RBM26: variants seen among roughly 807,000 people sequenced by gnomAD.
RBM26 encodes RNA binding motif protein 26.
A neutral mutation model predicts 123.6 loss-of-function variants in RBM26; 30 were observed. The ratio of observed to expected loss-of-function variants is 0.24; its 90% CI spans 0.18 to 0.33. RBM26 has a LOEUF of 0.33. Among genes scored for constraint, RBM26 ranks in the 10% least tolerant of loss-of-function variants. The pLI is 1.00. For synonymous variants in RBM26, 400 were observed against 404.4 expected, an observed-to-expected ratio of 0.99 and a Z score of 0.13; for missense variants, 947 against 1,203.6, an observed-to-expected ratio of 0.79 and a Z score of 3.15.
intron 2 of RBM26, among the ~76,000 whole-genome samples, chr13:79,377,927 CAAAA>C (rs5805027): frequency 1.4e-5 from 2 of 148,112 alleles, no homozygotes; most frequent in East Asian, 3.9e-4. Flanking sequence ...GACTCCGTCT[CAAAA>C]AAAAAAAAGT....
At position 79,365,806 on chromosome 13, in the gene RBM26, ATAACATAT is replaced by A. The variant is rs1340685338; in HGVS notation, c.1277-96_1277-89del. On this transcript the variant is annotated intron_variant, in intron 8 of 21. Transcript: ENST00000438737. ...ATTGATAAGAGAAAAAGTAAACAATATAACATATTAACATATAACATGCTCTATATGTA... is the reference window on the plus strand; with the variant it reads ...ATTGATAAGAGAAAAAGTAAACAATATAACATATAACATGCTCTATATGTA... 21 of 1,198,140 alleles carry A rather than the reference ATAACATAT, an allele frequency of 1.8e-5. No homozygotes were observed. In the African/African-American group the frequency reaches 2.3e-4, roughly 13 times the overall value. The allele number at this position is 1,198,140 out of a possible 1,614,324, so 74.2% of individuals were successfully genotyped here.
chr13:79,368,617 A>G (rs2075576819), intron 6 of RBM26, 113 bp downstream of exon 6: 1 of 1,000,248 alleles, frequency 1.0e-6, no homozygotes, highest in Non-Finnish European at 1.5e-6. Context: ...GACTAAGGCT[A>G]ATTTCCCACT....
At chr13:79,360,740 G>C (rs1464439856) in intron 9 of RBM26, among the ~76,000 whole-genome samples, 1 of 152,062 alleles carries the variant, frequency 6.6e-6, no homozygotes, top group East Asian at 1.9e-4. Flanking sequence ...CTAAAATACA[G>C]TGTAAAAGAG....
At chr13:79,361,482 CCACT>C (rs1452809235) in intron 9 of RBM26, among the ~76,000 whole-genome samples, 5 of 152,140 alleles carry the variant, frequency 3.3e-5, no homozygotes, top group African/African-American at 1.2e-4. Context: ...TCCTTAACAC[CCACT>C]CACTAATCCT....
intron 14 of RBM26, among the ~76,000 whole-genome samples, chr13:79,345,912 G>A (rs545765885): frequency 5.3e-5 from 8 of 152,112 alleles, no homozygotes; most frequent in East Asian, 1.9e-4. Flanking sequence ...TAAGTTCCAC[G>A]GGGTGACTGG....
intron 20 of RBM26, among the ~76,000 whole-genome samples, chr13:79,330,128 A>G (rs377135426): frequency 1.1e-4 from 17 of 152,340 alleles, no homozygotes; most frequent in East Asian, 7.7e-4. Flanking sequence ...TCTAATTTCT[A>G]TACTATAAAA....
chr13:79,383,367 A>T (rs946313877), intron 1 of RBM26, among the ~76,000 whole-genome samples: 2 of 152,334 alleles, frequency 1.3e-5, no homozygotes, highest in East Asian at 3.9e-4. Flanking sequence ...TTTAAAAATT[A>T]CACTGTAGAT....
Position 79,325,942 on chromosome 13 carries a change from C to T in RBM26, c.2821-3480G>A, listed in dbSNP as rs564486423. Reference sequence around the variant, plus strand: ...CTATGTTTAGATATGTTTGCCTACACAAATACTTACCATTGTGTTACAAGT... The same window carrying T: ...CTATGTTTAGATATGTTTGCCTACATAAATACTTACCATTGTGTTACAAGT... On this transcript the variant is annotated intron_variant, in intron 20 of 21. Coordinates refer to ENST00000438737, the MANE Select transcript of RBM26 (RefSeq NM_001366735.2). 3.3e-5 allele frequency among the ~76,000 whole-genome samples: 5 copies of T among 152,260 alleles called. No homozygotes were observed. The East Asian group carries it at 9.7e-4, about 29-fold the overall frequency.
chr13:79,371,636 T>C (rs1338076222), intron 4 of RBM26, among the ~76,000 whole-genome samples: 1 of 151,974 alleles, frequency 6.6e-6, no homozygotes, highest in East Asian at 1.9e-4. Flanking sequence ...GCAGCTAATA[T>C]ATGTCAAGCA....
chr13:79,380,068 G>C (rs961224777), intron 1 of RBM26, among the ~76,000 whole-genome samples: 3 of 152,162 alleles, frequency 2.0e-5, no homozygotes, highest in African/African-American at 4.8e-5. Flanking sequence ...TACTCTGGTA[G>C]TATCAAGGTC....
At chr13:79,396,566 C>G (rs1197069588) in intron 1 of RBM26, among the ~76,000 whole-genome samples, 2 of 152,070 alleles carry the variant, frequency 1.3e-5, no homozygotes, top group African/African-American at 4.8e-5. Context: ...AATACCTACA[C>G]AGCCCTATAC....
downstream of RBM26, among the ~76,000 whole-genome samples, chr13:79,318,198 C>T (rs2067322110): frequency 6.6e-6 from 1 of 150,882 alleles, no homozygotes; most frequent in Non-Finnish European, 1.5e-5. Context: ...ACTATAAACA[C>T]AATCTCATGT....
At chr13:79,354,768 ATAAAT>A (rs2073766603) in intron 12 of RBM26, among the ~76,000 whole-genome samples, 198 bp from the exon 13 acceptor site, 1 of 152,236 alleles carries the variant, frequency 6.6e-6, no homozygotes, top group African/African-American at 2.4e-5. Flanking sequence ...ATTTACTGGA[ATAAAT>A]TAAAGTCCAA....
At chr13:79,405,636 G>C (rs2079470530) in intron 1 of RBM26, 68 bp downstream of exon 1, 2 of 1,178,660 alleles carry the variant, frequency 1.7e-6, no homozygotes, top group Non-Finnish European at 2.4e-6. Context: ...TGGGGAAACT[G>C]CACAGATCTC....
At chr13:79,375,549 A>G (rs2076604202) in intron 3 of RBM26, among the ~76,000 whole-genome samples, 1 of 152,120 alleles carries the variant, frequency 6.6e-6, no homozygotes, top group South Asian at 2.1e-4. Flanking sequence ...AAACCATTGC[A>G]TATCTCTATG....
At position 79,319,411 on chromosome 13, in the gene RBM26, T is replaced by G. The variant is rs1354741438; in HGVS notation, c.*1210A>C. The stretch of plus-strand genomic sequence containing the variant: ...TTCCTGGAAACTGCCATATCAACTT[T>G]CAATGATCATGTTCACTTGCAAAAG... On this transcript the variant is annotated 3_prime_UTR_variant, in exon 22 of 22. Coordinates refer to ENST00000438737, the MANE Select transcript of RBM26 (RefSeq NM_001366735.2). 4.1e-6 allele frequency: 4 copies of G among 984,412 alleles called. No individual in the cohort carries two copies. The African/African-American group carries it at 7.0e-5, about 17-fold the overall frequency. 61.0% of individuals were successfully genotyped at this position (984,412 alleles called of 1,614,324 possible). A position where few individuals can be genotyped will look rare whatever the true frequency, so the allele number is the denominator to read the frequency against.
downstream of RBM26, among the ~76,000 whole-genome samples, chr13:79,315,206 T>C (rs960058983): frequency 1.1e-4 from 17 of 151,684 alleles, no homozygotes; most frequent in Admixed American, 1.1e-3. Context: ...CTTCAAACAT[T>C]AGGCTGCAAA....
At chr13:79,382,223 T>C (rs1444735623) in intron 1 of RBM26, among the ~76,000 whole-genome samples, 1 of 152,130 alleles carries the variant, frequency 6.6e-6, no homozygotes, top group Non-Finnish European at 1.5e-5. Context: ...AAAAACTATA[T>C]TCATATAGCA....
chr13:79,392,482 A>C (rs1299205236), intron 1 of RBM26, among the ~76,000 whole-genome samples: 1 of 146,698 alleles, frequency 6.8e-6, no homozygotes, highest in East Asian at 1.9e-4. Context: ...TAATGGTTAC[A>C]TCATAAATCA....
Sources: gnomAD v4.1 joint callset for allele counts (sites outside exome capture counted in the v4.1 genomes callset) on GRCh38, gnomAD v4.1.1 for gene constraint, MANE v1.5 for transcripts, NCBI Gene and HGNC (gene_info 2026-07-23, HGNC 2026-07-21) for gene names.